The following DDX4 variants were observed in gnomAD, a reference collection of about 807,000 sequenced individuals.
The protein encoded by DDX4 is probable ATP-dependent RNA helicase DDX4.
DDX4 carries 25 observed loss-of-function variants against 100.0 expected under a neutral mutation model. That is an observed-to-expected ratio of 0.25 (90% CI 0.18 to 0.35). DDX4 has a LOEUF of 0.35. DDX4 is among the 10% of genes least tolerant of loss of function. The probability of loss-of-function intolerance (pLI) is 1.00; values close to 1 mark genes in which losing one functional copy is unlikely to be tolerated. For synonymous variants in DDX4, 259 were observed against 275.7 expected, an observed-to-expected ratio of 0.94 and a Z score of 0.60; for missense variants, 635 against 882.4, an observed-to-expected ratio of 0.72 and a Z score of 3.55.
chr5:55,755,221 CA>C (rs1473926566), intron 3 of DDX4, among the ~76,000 whole-genome samples: 10 of 152,216 alleles, frequency 6.6e-5, no homozygotes, highest in African/African-American at 2.4e-4. Context: ...GTAGAAATAA[CA>C]AACATCTAGG....
chr5:55,771,022 G>C (rs1216976999), intron 7 of DDX4, among the ~76,000 whole-genome samples: 1 of 152,136 alleles, frequency 6.6e-6, no homozygotes, highest in Non-Finnish European at 1.5e-5. Flanking sequence ...ATAATTAGCA[G>C]GGGCACAGCC....
intron 6 of DDX4, among the ~76,000 whole-genome samples, chr5:55,765,413 A>AAAAAAATATATATATATATAT (rs1392558099): frequency 1.2e-5 from 1 of 83,010 alleles, no homozygotes; most frequent in African/African-American, 5.8e-5. Context: ...AAAAAAAAAA[A>AAAAAAATATATATATATATAT]ATATATATAT....
intron 16 of DDX4, 74 bp downstream of exon 16, chr5:55,790,779 TA>T: frequency 7.5e-7 from 1 of 1,325,508 alleles, no homozygotes; most frequent in Admixed American, 1.7e-5. Flanking sequence ...AAGAATGAGG[TA>T]AAGACAGATG....
At chr5:55,762,965 A>C (rs1436518234) in intron 4 of DDX4, among the ~76,000 whole-genome samples, 1 of 152,102 alleles carries the variant, frequency 6.6e-6, no homozygotes, top group Non-Finnish European at 1.5e-5. Context: ...GCTGTGTTTC[A>C]CCGGTAGTAG....
chr5:55,792,392 G>A (rs888792682), intron 16 of DDX4, among the ~76,000 whole-genome samples: 13 of 148,336 alleles, frequency 8.8e-5, no homozygotes, highest in Non-Finnish European at 1.5e-4. Context: ...ACGGAGTCTC[G>A]CTATGTTGCC....
intron 18 of DDX4, among the ~76,000 whole-genome samples, chr5:55,809,654 T>C (rs1743991132): frequency 6.6e-6 from 1 of 152,180 alleles, no homozygotes; most frequent in Non-Finnish European, 1.5e-5. Context: ...GTCAGTTTGT[T>C]CCAGAACATT....
chr5:55,772,017 G>T (rs576103195), intron 7 of DDX4, among the ~76,000 whole-genome samples: 1 of 152,116 alleles, frequency 6.6e-6, no homozygotes, highest in Non-Finnish European at 1.5e-5. Context: ...TCAGGAGTTC[G>T]AGACCAGCCT....
At chr5:55,785,905 T>TAAA in intron 13 of DDX4, 34 bp downstream of exon 13, 1 of 1,509,784 alleles carries the variant, frequency 6.6e-7, no homozygotes, top group Non-Finnish European at 9.2e-7. Context: ...ATTAGCTATG[T>TAAA]AGCACACTTT....
chr5:55,760,250 GC>G lies in DDX4; in HGVS notation c.180del (p.Ser61LeufsTer102). ...AGATCATTTCATGAAAAGTGGATTT[GC>G]CTCTGGGCGGAATTTTGGAAACAGA... ...RRDHFMKSGF[A>X]SGRNFGNRDA... On this transcript the variant is annotated frameshift_variant, in exon 4 of 22. Transcript: ENST00000505374. LOFTEE classifies it high-confidence loss of function. 1 of 1,570,712 alleles carries G rather than the reference GC, an allele frequency of 6.4e-7. No individual in the cohort carries two copies. Among genetic ancestry groups the G allele is most frequent in the Non-Finnish European group, 8.6e-7 (1 of 1,164,178 alleles).
At chr5:55,778,496 A>T (rs1334917267) in intron 7 of DDX4, among the ~76,000 whole-genome samples, 2 of 152,188 alleles carry the variant, frequency 1.3e-5, no homozygotes, top group Non-Finnish European at 2.9e-5. Flanking sequence ...AAACTCAAAT[A>T]AAAAAGGTAG....
intron 4 of DDX4, among the ~76,000 whole-genome samples, chr5:55,762,420 TA>T (rs1481936134): frequency 6.6e-6 from 1 of 152,194 alleles, no homozygotes; most frequent in African/African-American, 2.4e-5. Context: ...GGAAGAAGGA[TA>T]AATTATGACT....
intron 18 of DDX4, among the ~76,000 whole-genome samples, chr5:55,807,683 G>A (rs977944492): frequency 1.6e-4 from 25 of 152,266 alleles, no homozygotes; most frequent in East Asian, 3.9e-4. Context: ...AGTTTCTGCC[G>A]AGAGATCAGC....
At chr5:55,809,539 A>C (rs1378647333) in intron 18 of DDX4, among the ~76,000 whole-genome samples, 1 of 152,234 alleles carries the variant, frequency 6.6e-6, no homozygotes, top group African/African-American at 2.4e-5. Context: ...CAAGAATATA[A>C]AGTAAATAGA....
chr5:55,780,102 C>A, intron 8 of DDX4, 37 bp downstream of exon 8: 1 of 1,607,486 alleles, frequency 6.2e-7, no homozygotes, highest in Non-Finnish European at 8.5e-7. Flanking sequence ...GCTTCATTAA[C>A]TGTTAAAAAG....
At chr5:55,750,950 C>G (rs774785503) in intron 3 of DDX4, among the ~76,000 whole-genome samples, 2 of 152,150 alleles carry the variant, frequency 1.3e-5, no homozygotes, top group Non-Finnish European at 2.9e-5. Flanking sequence ...TCCTGTTCCC[C>G]TCTGTTACCA....
rs1744459615 is a variant in DDX4, at chr5:55,817,068, G to T, written c.*528G>T. 1 of 152,268 alleles carries T rather than the reference G, an allele frequency of 6.6e-6. No individual in the cohort carries two copies. The highest frequency in any genetic ancestry group is 1.5e-5 in the Non-Finnish European group (1 of 68,104). The allele number at this position is 152,268 out of a possible 1,614,324, so 9.4% of individuals were successfully genotyped here. On this transcript the variant is annotated 3_prime_UTR_variant, in exon 22 of 22. Coordinates refer to ENST00000505374, the MANE Select transcript of DDX4 (RefSeq NM_024415.3). ...GTTAAATGTTTGTGATGGGAGCTCT[G>T]TACTCAATGGCATAACAATGTTTAT...
At chr5:55,780,132 C>T (rs909832835) in intron 8 of DDX4, 67 bp downstream of exon 8, 14 of 1,569,410 alleles carry the variant, frequency 8.9e-6, no homozygotes, top group African/African-American at 4.0e-5. Context: ...TAAAAAAATA[C>T]GTATCAAAGA....
chr5:55,741,274 A>G (rs575594197), intron 2 of DDX4, among the ~76,000 whole-genome samples: 2 of 152,320 alleles, frequency 1.3e-5, no homozygotes, highest in South Asian at 2.1e-4. Flanking sequence ...ATTCAATAAC[A>G]TAGTTTCTTC....
At chr5:55,792,516 C>A in intron 16 of DDX4, 125 bp from the exon 17 acceptor site, 1 of 457,748 alleles carries the variant, frequency 2.2e-6, no homozygotes, top group Non-Finnish European at 3.4e-6. Flanking sequence ...TCCGCCAACA[C>A]GCCTGGCTAA....
Sources: gnomAD v4.1 joint callset for allele counts (sites outside exome capture counted in the v4.1 genomes callset) on GRCh38, gnomAD v4.1.1 for gene constraint, MANE v1.5 for transcripts, NCBI Gene and HGNC (gene_info 2026-07-23, HGNC 2026-07-21) for gene names.